The following FRAS1 variants were observed in gnomAD, a reference collection of about 807,000 sequenced individuals.
FRAS1 encodes Fraser extracellular matrix complex subunit 1, also known as extracellular matrix organizing protein FRAS1.
A neutral mutation model predicts 435.2 loss-of-function variants in FRAS1; 290 were observed. The ratio of observed to expected loss-of-function variants is 0.67; its 90% confidence interval spans 0.61 to 0.73. FRAS1 has a LOEUF of 0.73. FRAS1 is among the 30% of genes least tolerant of loss of function. FRAS1 has a pLI of 0.00. For missense variants in FRAS1, 4,860 were observed against 5,001.5 expected (o/e 0.97, Z 0.85); for synonymous variants, 1,800 against 1,851.0 (o/e 0.97, Z 0.71).
intron 14 of FRAS1, 148 bp downstream of exon 14, chr4:78,286,687 A>C (rs1727623632): frequency 2.7e-6 from 2 of 728,528 alleles, no homozygotes; most frequent in East Asian, 5.3e-5. Flanking sequence ...TGGGATGAGG[A>C]GAACAGTGTG....
intron 2 of FRAS1, among the ~76,000 whole-genome samples, chr4:78,224,618 G>A (rs946562618): frequency 6.6e-6 from 1 of 151,868 alleles, no homozygotes; most frequent in Admixed American, 6.6e-5. Context: ...CTGCAGCCTC[G>A]ACTTCCCAGT....
chr4:78,177,755 C>T (rs1721837340), intron 2 of FRAS1, among the ~76,000 whole-genome samples: 1 of 152,168 alleles, frequency 6.6e-6, no homozygotes, highest in African/African-American at 2.4e-5. Context: ...TTCTTCCTTT[C>T]AGGTGCCTCA....
At chr4:78,165,013 T>C (rs1721279535) in intron 2 of FRAS1, among the ~76,000 whole-genome samples, 1 of 152,196 alleles carries the variant, frequency 6.6e-6, no homozygotes, top group Non-Finnish European at 1.5e-5. Context: ...TTAAGTCAGA[T>C]TACAAATTAA....
At chr4:78,359,799 G>T (rs941321153) in intron 20 of FRAS1, among the ~76,000 whole-genome samples, 2 of 152,134 alleles carry the variant, frequency 1.3e-5, no homozygotes, top group African/African-American at 4.8e-5. Flanking sequence ...GGGCAACTTG[G>T]AGTTGATCAT....
At chr4:78,116,401 C>T (rs181139916) in intron 2 of FRAS1, among the ~76,000 whole-genome samples, 11 of 152,236 alleles carry the variant, frequency 7.2e-5, no homozygotes, top group Admixed American at 4.6e-4. Flanking sequence ...CTTTCTGTCT[C>T]GTTGATCTGT....
chr4:78,482,547 G>A lies in FRAS1; in HGVS notation c.8752+12G>A, dbSNP rs910337122. 7 of 1,610,654 alleles carry A rather than the reference G, an allele frequency of 4.3e-6. No individual in the cohort carries two copies. Among genetic ancestry groups the A allele is most frequent in the Non-Finnish European group, 5.9e-6 (7 of 1,178,998 alleles). Reference sequence around the variant, plus strand: ...CACATTCCAAGATGGTAAGAGATTGGGGATGCCAGCTGGTAGGTCCAAATA... The same window carrying A: ...CACATTCCAAGATGGTAAGAGATTGAGGATGCCAGCTGGTAGGTCCAAATA... On this transcript the variant is annotated intron_variant, in intron 58 of 73. Coordinates refer to ENST00000512123, the MANE Select transcript of FRAS1 (RefSeq NM_025074.7).
rs201879164 is a variant in FRAS1 at position 78,379,949 on chromosome 4, T to A, written c.3516T>A (p.Asp1172Glu). Residue 1172 changes from aspartate (D) to glutamate (E), a missense_variant, in exon 27 of 74, where the codon GAT becomes GAA. Physicochemically the swap from Asp to Glu is conservative, Grantham distance 45. Transcript: ENST00000512123. The part of the protein sequence containing the change: ...LDKAGRFSWK[D>E]VNEKKVRFVH... ...AGGCTGGCCGTTTTAGCTGGAAAGA[T>A]GTGAACGAGAAGAAAGTGCGTTTTG... 3.8e-5 allele frequency: 61 copies of A among 1,613,708 alleles called. No individual in the cohort carries two copies. The highest frequency in any genetic ancestry group is 5.0e-5 in the Non-Finnish European group (59 of 1,179,852).
chr4:78,486,140 A>T, intron 58 of FRAS1, among the ~76,000 whole-genome samples: 1 of 152,212 alleles, frequency 6.6e-6, no homozygotes, highest in East Asian at 1.9e-4. Context: ...AAACATACTC[A>T]TTAACTCGTG....
chr4:78,305,098 T>C (rs1728640339), intron 14 of FRAS1, among the ~76,000 whole-genome samples: 1 of 152,220 alleles, frequency 6.6e-6, no homozygotes, highest in Non-Finnish European at 1.5e-5. Context: ...CATCTTTATT[T>C]CTGCCTTCAT....
At chr4:78,319,456 T>G (rs1312051328) in intron 18 of FRAS1, 1 of 456,718 alleles carries the variant, frequency 2.2e-6, no homozygotes. Flanking sequence ...GAATAAATAA[T>G]TTGACTCAAT....
At chr4:78,471,609 A>G (rs1342755102) in intron 51 of FRAS1, among the ~76,000 whole-genome samples, 1 of 152,160 alleles carries the variant, frequency 6.6e-6, no homozygotes, top group East Asian at 1.9e-4. Context: ...AAAAATCTTC[A>G]ATGCTCTTGA....
At chr4:78,195,554 C>T (rs1054497838) in intron 2 of FRAS1, among the ~76,000 whole-genome samples, 3 of 152,220 alleles carry the variant, frequency 2.0e-5, no homozygotes, top group East Asian at 1.9e-4. Flanking sequence ...GCTCTGTGGG[C>T]GTAGGACCCT....
intron 18 of FRAS1, chr4:78,319,570 A>C (rs1341812958): frequency 3.2e-6 from 1 of 315,330 alleles, no homozygotes; most frequent in Non-Finnish European, 6.4e-6. Flanking sequence ...TTTGACTCTA[A>C]AGCTACGTGA....
Position 78,543,653 on chromosome 4 carries a change from G to A in FRAS1, c.*2529G>A, listed in dbSNP as rs1035211820. 6 of 152,220 alleles carry A rather than the reference G, an allele frequency of 3.9e-5. No individual in the cohort carries two copies. Among genetic ancestry groups the A allele is most frequent in the African/African-American group, 1.4e-4 (6 of 41,446 alleles). The allele number at this position is 152,220 out of a possible 1,614,324, so 9.4% of individuals were successfully genotyped here. On this transcript the variant is annotated 3_prime_UTR_variant, in exon 74 of 74. Coordinates refer to ENST00000512123, the MANE Select transcript of FRAS1 (RefSeq NM_025074.7). ...GTACTTCTCTAGTGGATGCACACTT[G>A]TTAAATAGTGTTAAGAGATGTGGAG...
chr4:78,401,174 T>A (rs1421237833), intron 30 of FRAS1, among the ~76,000 whole-genome samples: 1 of 152,226 alleles, frequency 6.6e-6, no homozygotes, highest in Non-Finnish European at 1.5e-5. Flanking sequence ...TTGCTGCAAG[T>A]CACTTAACTA....
intron 2 of FRAS1, among the ~76,000 whole-genome samples, chr4:78,148,916 G>T (rs1720523552): frequency 6.6e-6 from 1 of 152,204 alleles, no homozygotes; most frequent in Non-Finnish European, 1.5e-5. Context: ...AAGTGAAAAT[G>T]AGGCAATTTC....
chr4:78,518,173 A>AT (rs1721267346), intron 66 of FRAS1, among the ~76,000 whole-genome samples: 1 of 151,838 alleles, frequency 6.6e-6, no homozygotes, highest in Non-Finnish European at 1.5e-5. Context: ...TCAAAATGGA[A>AT]TTTTTCAATG....
chr4:78,301,856 T>TG (rs933617461), intron 14 of FRAS1, among the ~76,000 whole-genome samples: 4 of 150,126 alleles, frequency 2.7e-5, no homozygotes, highest in African/African-American at 7.4e-5. Flanking sequence ...GTTTTTTTTT[T>TG]TTTTTTTTTT....
At position 78,498,827 on chromosome 4, in the gene FRAS1, A is replaced by C. The variant is rs185797714; in HGVS notation, c.9116-894A>C. Among the ~76,000 whole-genome samples, 6 of 131,150 alleles carry C rather than the reference A, an allele frequency of 4.6e-5. No homozygotes were observed. In the Admixed American group the frequency reaches 4.8e-4, roughly 10 times the overall value. The allele number at this position is 131,150 out of a possible 152,430, so 86.0% of individuals were successfully genotyped here. On this transcript the variant is annotated intron_variant, in intron 60 of 73. Transcript: ENST00000512123. ...AAGGCATGATTTGAATTTTTTGGTAAAAATCAATATATTATTTTATTTATT... is the reference window on the plus strand; with the variant it reads ...AAGGCATGATTTGAATTTTTTGGTACAAATCAATATATTATTTTATTTATT...
Sources: allele counts gnomAD v4.1 joint callset (sites outside exome capture counted in the v4.1 genomes callset), GRCh38; gene constraint gnomAD v4.1.1; transcripts MANE v1.5; gene names NCBI Gene and HGNC (gene_info 2026-07-23, HGNC 2026-07-21).